Variants in SLCO3A1 observed in about 807,000 individuals in gnomAD.
SLCO3A1 encodes solute carrier organic anion transporter family member 3A1.
In SLCO3A1, 27 loss-of-function variants were observed where a neutral mutation model predicts 63.1. That is an observed-to-expected ratio of 0.43 (90% confidence interval 0.32 to 0.59). SLCO3A1 has a LOEUF of 0.59. SLCO3A1 is among the 20% of genes least tolerant of loss of function. The pLI is 0.09. For synonymous variants in SLCO3A1, 473 were observed against 409.9 expected (o/e 1.15, Z -1.86); for missense variants, 773 against 945.8 (o/e 0.82, Z 2.40).
At chr15:91,999,418 T>C (rs887941712) in intron 2 of SLCO3A1, among the ~76,000 whole-genome samples, 1 of 152,040 alleles carries the variant, frequency 6.6e-6, no homozygotes, top group Non-Finnish European at 1.5e-5. Flanking sequence ...GGCTATGCCA[T>C]AGAAAAATGG....
chr15:92,127,656 A>G, intron 6 of SLCO3A1, among the ~76,000 whole-genome samples: 1 of 152,026 alleles, frequency 6.6e-6, no homozygotes, highest in Non-Finnish European at 1.5e-5. Flanking sequence ...GAGCTAATAC[A>G]CTCACTCTAC....
At chr15:91,949,025 A>G (rs990703717) in intron 2 of SLCO3A1, among the ~76,000 whole-genome samples, 1 of 151,818 alleles carries the variant, frequency 6.6e-6, no homozygotes, top group Non-Finnish European at 1.5e-5. Context: ...CCTCTGGCAG[A>G]TGTCATTGTT....
intron 2 of SLCO3A1, among the ~76,000 whole-genome samples, chr15:91,965,536 C>A (rs1302610061): frequency 6.6e-6 from 1 of 152,214 alleles, no homozygotes; most frequent in African/African-American, 2.4e-5. Flanking sequence ...CCACCCCACC[C>A]CCTAACTTCC....
chr15:91,854,208 C>T lies in SLCO3A1; in HGVS notation c.180+120C>T. 1 of 1,141,628 alleles carries T rather than the reference C, an allele frequency of 8.8e-7. No homozygotes were observed. Among genetic ancestry groups the T allele is most frequent in the Non-Finnish European group, 1.1e-6 (1 of 892,866 alleles). The allele number at this position is 1,141,628 out of a possible 1,614,324, so 70.7% of individuals were successfully genotyped here. ...GCAGGCGGGCATGACCTCGGCCCGG[C>T]GTGGAGGTTGGCGAGTGGTGCAGAG... On this transcript the variant is annotated intron_variant, in intron 1 of 9. Coordinates refer to ENST00000318445, the MANE Select transcript of SLCO3A1 (RefSeq NM_013272.4). This position sits in a 1 kb window ranked among gnomAD's most constrained non-coding sequence, Gnocchi z 6.4.
rs761672177 is a variant in SLCO3A1 at position 92,146,973 on chromosome 15, T to A, written c.1513-11T>A. The A allele has an allele frequency of 6.2e-7, 1 of 1,601,864 alleles. No individual in the cohort carries two copies. Among genetic ancestry groups the A allele is most frequent in the Non-Finnish European group, 8.5e-7 (1 of 1,174,792 alleles). On this transcript the variant is annotated splice_polypyrimidine_tract_variant and intron_variant, in intron 7 of 9. Transcript: ENST00000318445. ...ACCCCCAGATAAAAGGGCTGAACGC[T>A]TCCCTTTCAGAATCTCACGGGCTGT... is the stretch of plus-strand genomic sequence containing the variant.
chr15:91,893,268 C>G (rs1897916974), intron 1 of SLCO3A1, among the ~76,000 whole-genome samples: 1 of 152,178 alleles, frequency 6.6e-6, no homozygotes, highest in African/African-American at 2.4e-5. Context: ...TTGGACAGCC[C>G]TGTTCCAGTG....
intron 2 of SLCO3A1, among the ~76,000 whole-genome samples, chr15:91,962,075 G>A (rs1390930886): frequency 6.6e-6 from 1 of 152,192 alleles, no homozygotes; most frequent in Non-Finnish European, 1.5e-5. Context: ...GCCATCTCAG[G>A]CTCGCAGGGC....
intron 9 of SLCO3A1, among the ~76,000 whole-genome samples, chr15:92,152,838 T>C (rs552185156): frequency 1.3e-5 from 2 of 152,318 alleles, no homozygotes; most frequent in South Asian, 4.1e-4. Context: ...ACGAGTCCTC[T>C]GGGGCTGGCC....
At position 92,150,647 on chromosome 15, in the gene SLCO3A1, A is replaced by G. The variant is rs558605690; in HGVS notation, c.1689-303A>G. Among the ~76,000 whole-genome samples the G allele has an allele frequency of 1.0e-3, 156 of 152,182 alleles. 7 individuals are homozygous for G. The South Asian group carries it at 0.031, about 31-fold the overall frequency. On this transcript the variant is annotated intron_variant, in intron 8 of 9. Transcript: ENST00000318445. ...GCTTCCTGATCTCAGCAAAACCAAC[A>G]TGTCTTTAAACGCAGGTTTTATGAC... is the stretch of plus-strand genomic sequence containing the variant.
rs1013580159 is a variant in SLCO3A1 at position 91,912,042 on chromosome 15, C to T, written c.181-3951C>T. 1.3e-5 allele frequency among the ~76,000 whole-genome samples: 2 copies of T among 151,862 alleles called. No homozygotes were observed. Among genetic ancestry groups the T allele is most frequent in the Non-Finnish European group, 2.9e-5 (2 of 67,990 alleles). On this transcript the variant is annotated intron_variant, in intron 1 of 9. Transcript: ENST00000318445. The surrounding 1 kb of genome is among the most constrained non-coding windows in gnomAD (Gnocchi z 5.0). ...TACTGCATACTTTACATAATAACTT[C>T]ATATACACTTGGTTCAGGATAAGGA...
At chr15:92,153,075 T>C (rs2048327780) in intron 9 of SLCO3A1, among the ~76,000 whole-genome samples, 1 of 152,214 alleles carries the variant, frequency 6.6e-6, no homozygotes, top group Non-Finnish European at 1.5e-5. Flanking sequence ...CATCATACAC[T>C]GCTGTAAAGC....
At chr15:91,913,769 G>C (rs2151378227) in intron 1 of SLCO3A1, among the ~76,000 whole-genome samples, 1 of 152,332 alleles carries the variant, frequency 6.6e-6, no homozygotes, top group East Asian at 1.9e-4. Context: ...AGATCCATAT[G>C]ACTCTCCTTT....
At chr15:92,159,155 T>A (rs1177201832) in intron 9 of SLCO3A1, among the ~76,000 whole-genome samples, 1 of 152,250 alleles carries the variant, frequency 6.6e-6, no homozygotes, top group African/African-American at 2.4e-5. Context: ...CATTGAAAGA[T>A]CAAGTGACTT....
intron 2 of SLCO3A1, among the ~76,000 whole-genome samples, chr15:92,082,327 G>C (rs890398084): frequency 2.6e-5 from 4 of 152,228 alleles, no homozygotes; most frequent in Non-Finnish European, 5.9e-5. Flanking sequence ...AAATTGAGGA[G>C]ACGAAGGCAA....
intron 2 of SLCO3A1, among the ~76,000 whole-genome samples, chr15:92,057,594 G>T (rs1448783218): frequency 6.6e-6 from 1 of 152,208 alleles, no homozygotes; most frequent in Non-Finnish European, 1.5e-5. Context: ...ATTTTCCTCA[G>T]GCCCCACCTT....
In SLCO3A1 at chr15:91,854,660, T is replaced by C. The variant is rs1391841026; in HGVS notation, c.180+572T>C. 6.6e-6 allele frequency among the ~76,000 whole-genome samples: 1 copy of C among 152,112 alleles called. No individual in the cohort carries two copies. The highest frequency in any genetic ancestry group is 1.5e-5 in the Non-Finnish European group (1 of 68,018). On this transcript the variant is annotated intron_variant, in intron 1 of 9. Transcript: ENST00000318445. This position sits in a 1 kb window ranked among gnomAD's most constrained non-coding sequence, Gnocchi z 6.4. ...GCCTGAGCCGGGGCTGCAGGGGGAATATTGCCACCCGGTATCCCTATAGCC... is the reference window on the plus strand; with the variant it reads ...GCCTGAGCCGGGGCTGCAGGGGGAACATTGCCACCCGGTATCCCTATAGCC...
intron 2 of SLCO3A1, among the ~76,000 whole-genome samples, chr15:91,917,328 T>C (rs1177204997): frequency 6.6e-6 from 1 of 152,210 alleles, no homozygotes; most frequent in Non-Finnish European, 1.5e-5. Flanking sequence ...AAAAGCAATG[T>C]GCCTTGAGGT....
chr15:91,993,103 A>C (rs917151097), intron 2 of SLCO3A1, among the ~76,000 whole-genome samples: 8 of 152,326 alleles, frequency 5.3e-5, no homozygotes, highest in Admixed American at 1.3e-4. Flanking sequence ...AGCCAGTCTT[A>C]TCTCCTAAGT....
Position 92,147,539 on chromosome 15 carries a change from C to G in SLCO3A1, c.1688+380C>G, listed in dbSNP as rs951515596. On this transcript the variant is annotated intron_variant, in intron 8 of 9. Coordinates refer to ENST00000318445, the MANE Select transcript of SLCO3A1 (RefSeq NM_013272.4). ...GCCATATGACCGTGGGCATTTTCCC[C>G]CTAGACTTGCTCCTGAATCTGTAAC... is the stretch of plus-strand genomic sequence containing the variant. 3.9e-5 allele frequency among the ~76,000 whole-genome samples: 6 copies of G among 152,176 alleles called. 1 individual carries two copies. Among genetic ancestry groups the G allele is most frequent in the Admixed American group, 2.6e-4 (4 of 15,282 alleles).
Sources: allele counts gnomAD v4.1 joint callset (sites outside exome capture counted in the v4.1 genomes callset), GRCh38; gene constraint gnomAD v4.1.1; non-coding constraint Gnocchi (gnomAD v3.1); transcripts MANE v1.5; gene names NCBI Gene and HGNC (gene_info 2026-07-23, HGNC 2026-07-21).